The following CRABP1 variants were observed in gnomAD, a reference collection of about 807,000 sequenced individuals.
CRABP1 encodes the protein cellular retinoic acid binding protein 1.
Under a neutral mutation model 16.4 loss-of-function variants are expected in CRABP1, and 9 were observed. The ratio of observed to expected loss-of-function variants is 0.55; its 90% CI spans 0.33 to 0.96. The LOEUF is 0.96. Ranked by LOEUF, CRABP1 falls within the 40% of genes least tolerant of loss-of-function variation. The pLI is 0.03. For missense variants in CRABP1, 157 were observed against 186.0 expected (o/e 0.84, Z 0.91); for synonymous variants, 72 against 70.4 (o/e 1.02, Z -0.11).
In CRABP1 at chr15:78,341,230, C is replaced by T; in HGVS notation, c.249+9C>T. 6.2e-7 allele frequency: 1 copy of T among 1,604,884 alleles called. No individual in the cohort carries two copies. Among genetic ancestry groups the T allele is most frequent in the Non-Finnish European group, 8.5e-7 (1 of 1,176,008 alleles). ...ACGGACGCAAGTGCAGGGTGAGGCC[C>T]CAGAGCCACTACAGCGTCCCCGTGT... On this transcript the variant is annotated intron_variant, in intron 2 of 3. Transcript: ENST00000299529. The surrounding 1 kb of genome is among the most constrained non-coding windows in gnomAD (Gnocchi z 5.3).
At chr15:78,340,627 T>G (rs2141525293) in intron 1 of CRABP1, 129 bp downstream of exon 1, 1 of 1,026,860 alleles carries the variant, frequency 9.7e-7, no homozygotes, top group East Asian at 2.8e-5. Flanking sequence ...CCCGGGGCAA[T>G]AGATCGCCTT....
At chr15:78,342,957 C>T (rs1287256284) in intron 2 of CRABP1, among the ~76,000 whole-genome samples, 1 of 151,890 alleles carries the variant, frequency 6.6e-6, no homozygotes, top group Non-Finnish European at 1.5e-5. Context: ...ACTAAATATA[C>T]CAAAAAAATT....
At chr15:78,346,759 T>C (rs989123970) in intron 3 of CRABP1, among the ~76,000 whole-genome samples, 5 of 152,214 alleles carry the variant, frequency 3.3e-5, no homozygotes, top group African/African-American at 1.2e-4. Flanking sequence ...GATAATGTTT[T>C]AGCATATGTT....
In CRABP1 at chr15:78,341,321, G is replaced by C; in HGVS notation, c.249+100G>C. The C allele has an allele frequency of 7.2e-7, 1 of 1,397,732 alleles. No individual in the cohort carries two copies. Among genetic ancestry groups the C allele is most frequent in the Non-Finnish European group, 9.9e-7 (1 of 1,006,930 alleles). The allele number at this position is 1,397,732 out of a possible 1,614,324, so 86.6% of individuals were successfully genotyped here. A position where few individuals can be genotyped will look rare whatever the true frequency, so the allele number is the denominator to read the frequency against. ...TGTGTCTCCCTTTGCAGCCTGTGGC[G>C]CGCCTTCCTTGCAGGGTGTGTACAC... On this transcript the variant is annotated intron_variant, in intron 2 of 3. Coordinates refer to ENST00000299529, the MANE Select transcript of CRABP1 (RefSeq NM_004378.3). This position sits in a 1 kb window ranked among gnomAD's most constrained non-coding sequence, Gnocchi z 5.3.
At chr15:78,340,565 T>C (rs1225397182) in intron 1 of CRABP1, 67 bp downstream of exon 1, 1 of 1,554,084 alleles carries the variant, frequency 6.4e-7, no homozygotes, top group Non-Finnish European at 8.7e-7. Context: ...GTCCCGGAAG[T>C]GCCCCGGTCC....
At position 78,341,188 on chromosome 15, in the gene CRABP1, TGAG is replaced by T. The variant is rs1289217145; in HGVS notation, c.223_225del (p.Glu75del). 1.2e-6 allele frequency: 2 copies of T among 1,612,390 alleles called. No individual in the cohort carries two copies. Among genetic ancestry groups the T allele is most frequent in the Non-Finnish European group, 1.7e-6 (2 of 1,179,392 alleles). The stretch of plus-strand genomic sequence containing the variant: ...TCAACTTCAAGGTCGGAGAAGGCTT[TGAG>T]GAGGAGACCGTGGACGGACGCAAGT... On this transcript the variant is annotated inframe_deletion, in exon 2 of 4. Transcript: ENST00000299529. The surrounding 1 kb of genome is among the most constrained non-coding windows in gnomAD (Gnocchi z 5.3).
At chr15:78,345,346 C>T (rs1322453726) in intron 3 of CRABP1, among the ~76,000 whole-genome samples, 3 of 152,192 alleles carry the variant, frequency 2.0e-5, no homozygotes, top group African/African-American at 7.2e-5. Flanking sequence ...TATGATTTAA[C>T]ATGCTTTCTC....
Position 78,343,622 on chromosome 15 carries a change from C to T in CRABP1, c.363+10C>T. ...CGATGAACTTATCCTGGTAGGGAAC[C>T]CTTGACCCTGAAATAATCCTGAAGT... On this transcript the variant is annotated intron_variant, in intron 3 of 3. Coordinates refer to ENST00000299529, the MANE Select transcript of CRABP1 (RefSeq NM_004378.3). The T allele has an allele frequency of 1.2e-6, 2 of 1,611,654 alleles. No individual in the cohort carries two copies. Among genetic ancestry groups the T allele is most frequent in the East Asian group, 2.2e-5 (1 of 44,866 alleles).
At chr15:78,345,479 G>T (rs78881974) in intron 3 of CRABP1, among the ~76,000 whole-genome samples, 2 of 152,244 alleles carry the variant, frequency 1.3e-5, no homozygotes, top group African/African-American at 4.8e-5. Context: ...GAGAAAAGGC[G>T]TATATGGTTT....
intron 3 of CRABP1, among the ~76,000 whole-genome samples, chr15:78,345,088 A>C (rs2050258014): frequency 6.6e-6 from 1 of 152,140 alleles, no homozygotes; most frequent in African/African-American, 2.4e-5. Context: ...GTCACCTTGA[A>C]ATGTTGTGAA....
At chr15:78,345,599 G>A (rs1432104875) in intron 3 of CRABP1, among the ~76,000 whole-genome samples, 1 of 151,212 alleles carries the variant, frequency 6.6e-6, no homozygotes, top group East Asian at 1.9e-4. Flanking sequence ...AACCTCTGTA[G>A]TATACGAGCA....
rs1398792839 is a variant in CRABP1 at position 78,341,061 on chromosome 15, G to A, written c.89G>A (p.Arg30Lys). The A allele has an allele frequency of 6.2e-7, 1 of 1,610,226 alleles. No homozygotes were observed. Among genetic ancestry groups the A allele is most frequent in the African/African-American group, 1.3e-5 (1 of 75,058 alleles). The part of the protein sequence containing the change: ...LKALGVNAML[R>K]KVAVAAASKP... Reference sequence around the variant, plus strand: ...TGCGCAGGTGTGAACGCCATGCTGAGGAAAGTGGCCGTAGCGGCTGCGTCC... The same window carrying A: ...TGCGCAGGTGTGAACGCCATGCTGAAGAAAGTGGCCGTAGCGGCTGCGTCC... Residue 30 changes from arginine to lysine, a missense_variant, in exon 2 of 4, where the codon AGG becomes AAG. Transcript: ENST00000299529. This position sits in a 1 kb window ranked among gnomAD's most constrained non-coding sequence, Gnocchi z 5.3.
chr15:78,341,052 C>G lies in CRABP1; in HGVS notation c.80C>G (p.Ala27Gly). The change falls in exon 2 of 4, where the codon GCC becomes GGC. Residue 27 changes from alanine to glycine, a missense_variant. By Grantham distance (60) the Ala-to-Gly change is moderately conservative. Transcript: ENST00000299529. The surrounding 1 kb of genome is among the most constrained non-coding windows in gnomAD (Gnocchi z 5.3). ...DELLKALGVN[A>G]MLRKVAVAAA... ...GGTGCACCCTGCGCAGGTGTGAACG[C>G]CATGCTGAGGAAAGTGGCCGTAGCG... is the stretch of plus-strand genomic sequence containing the variant. The G allele has an allele frequency of 6.2e-7, 1 of 1,608,750 alleles. No individual in the cohort carries two copies. Among genetic ancestry groups the G allele is most frequent in the Non-Finnish European group, 8.5e-7 (1 of 1,179,656 alleles).
At chr15:78,344,147 G>A (rs1480616420) in intron 3 of CRABP1, among the ~76,000 whole-genome samples, 2 of 152,172 alleles carry the variant, frequency 1.3e-5, no homozygotes, top group Non-Finnish European at 2.9e-5. Context: ...ATAACACAGT[G>A]TGGAGAGATG....
chr15:78,343,073 C>T (rs1036157061), intron 2 of CRABP1, among the ~76,000 whole-genome samples: 1 of 151,948 alleles, frequency 6.6e-6, no homozygotes, highest in African/African-American at 2.4e-5. Flanking sequence ...CAAGATTGTG[C>T]CACTGCACTC....
At chr15:78,345,197 G>C (rs2050258752) in intron 3 of CRABP1, among the ~76,000 whole-genome samples, 1 of 152,130 alleles carries the variant, frequency 6.6e-6, no homozygotes, top group African/African-American at 2.4e-5. Context: ...ATACAATGAG[G>C]GGTTAAGCTG....
chr15:78,341,441 C>A lies in CRABP1; in HGVS notation c.249+220C>A. The A allele has an allele frequency of 1.8e-6, 1 of 565,248 alleles. No individual in the cohort carries two copies. The highest frequency in any genetic ancestry group is 3.2e-6 in the Non-Finnish European group (1 of 310,078). 35.0% of individuals were successfully genotyped at this position (565,248 alleles called of 1,614,324 possible). On this transcript the variant is annotated intron_variant, in intron 2 of 3. Transcript: ENST00000299529. The surrounding 1 kb of genome is among the most constrained non-coding windows in gnomAD (Gnocchi z 5.3). The stretch of plus-strand genomic sequence containing the variant: ...CATCTCAACCCCATCCCTACGCTGC[C>A]TCCCGGGGTGCTAACAGCCGCGCTT...
chr15:78,340,480 G>T lies in CRABP1; in HGVS notation c.52G>T (p.Glu18Ter). The change falls in exon 1 of 4, where the codon GAG becomes TAG. Residue 18 changes from glutamate to a stop codon, truncating the protein, a stop_gained. Transcript: ENST00000299529. LOFTEE classifies it high-confidence loss of function. Reference protein sequence around the residue: ...WKMRSSENFDELLKALGVNAM... With the variant: ...WKMRSSENFD Reference sequence around the variant, plus strand: ...GATGCGCAGCAGCGAGAATTTCGACGAGCTGCTCAAGGCACTGGGTAAGCT... The same window carrying T: ...GATGCGCAGCAGCGAGAATTTCGACTAGCTGCTCAAGGCACTGGGTAAGCT... 1 of 1,608,432 alleles carries T rather than the reference G, an allele frequency of 6.2e-7. No homozygotes were observed. Among genetic ancestry groups the T allele is most frequent in the East Asian group, 2.2e-5 (1 of 44,724 alleles).
chr15:78,345,132 G>C (rs1342368197), intron 3 of CRABP1, among the ~76,000 whole-genome samples: 6 of 152,222 alleles, frequency 3.9e-5, no homozygotes, highest in African/African-American at 1.4e-4. Flanking sequence ...GCTAGGAAAG[G>C]ACTTGCAGTG....
Sources: allele counts gnomAD v4.1 joint callset (sites outside exome capture counted in the v4.1 genomes callset), GRCh38; gene constraint gnomAD v4.1.1; non-coding constraint Gnocchi (gnomAD v3.1); transcripts MANE v1.5; gene names NCBI Gene and HGNC (gene_info 2026-07-23, HGNC 2026-07-21).